DHX16: variants seen among roughly 807,000 people sequenced by gnomAD.
DHX16 encodes the protein pre-mRNA-splicing factor ATP-dependent RNA helicase DHX16.
DHX16 carries 81 observed loss-of-function variants against 131.2 expected under a neutral mutation model. The ratio of observed to expected loss-of-function variants is 0.62; its 90% CI spans 0.52 to 0.74. DHX16 has a LOEUF of 0.74. Ranked by LOEUF, DHX16 falls within the 30% of genes least tolerant of loss-of-function variation. DHX16 has a pLI of 0.00. For synonymous variants in DHX16, 440 were observed against 520.2 expected (o/e 0.85, Z 2.10); for missense variants, 980 against 1,363.1 (o/e 0.72, Z 4.43).
At position 30,655,505 on chromosome 6, in the gene DHX16, G is replaced by A. The variant is rs1328280313; in HGVS notation, c.2591C>T (p.Ala864Val). The change falls in exon 17 of 20, where the codon GCT (alanine) becomes GTT (valine). Residue 864 changes from alanine (A) to valine (V), a missense_variant. Coordinates refer to ENST00000376442, the MANE Select transcript of DHX16 (RefSeq NM_003587.5). ...FYRPKDKVVH[A>V]DNARVNFFLP... ...AAAGAAGTTGACACGGGCATTGTCA[G>A]CATGGACGACCTTGTCCTTTGGTCG... 1.9e-6 allele frequency: 3 copies of A among 1,613,234 alleles called. No homozygotes were observed. Among genetic ancestry groups the A allele is most frequent in the Non-Finnish European group, 2.5e-6 (3 of 1,180,044 alleles).
chr6:30,654,618 C>A, intron 19 of DHX16, 88 bp downstream of exon 19: 1 of 1,329,936 alleles, frequency 7.5e-7, no homozygotes, highest in South Asian at 1.5e-5. Flanking sequence ...GTACCAGTCC[C>A]AGCAACTTGA....
Position 30,654,684 on chromosome 6 carries a change from GGGCACAGGA to G in DHX16, c.2997+13_2997+21del. ...CTCTCTACATAGTCTCCACCTGCGT[GGGCACAGGA>G]TGTTCTCCTCACCTGTCTCATGAAC... is the stretch of plus-strand genomic sequence containing the variant. On this transcript the variant is annotated intron_variant, in intron 19 of 19. Transcript: ENST00000376442. The G allele has an allele frequency of 6.2e-7, 1 of 1,600,444 alleles. No homozygotes were observed. The highest frequency in any genetic ancestry group is 1.1e-5 in the South Asian group (1 of 89,148).
At chr6:30,671,300 G>C in intron 1 of DHX16, 26 bp from the exon 2 acceptor site, 5 of 1,602,270 alleles carry the variant, frequency 3.1e-6, no homozygotes, top group Non-Finnish European at 4.3e-6. Context: ...AAGATAAGGA[G>C]GTCTGAGCAA....
At position 30,659,598 on chromosome 6, in the gene DHX16, C is replaced by T; in HGVS notation, c.1881G>A (p.Met627Ile). ...CCAGGCGGCGGCAGCGATCCTGGAG[C>T]ATCTCACAGGCAGCCTCAATCTCCT... is the stretch of plus-strand genomic sequence containing the variant. ...GQEEIEAACE[M>I]LQDRCRRLGS... The change falls in exon 12 of 20, where the codon ATG (methionine) becomes ATA (isoleucine). Residue 627 changes from methionine (M) to isoleucine (I), a missense_variant. Coordinates refer to ENST00000376442, the MANE Select transcript of DHX16 (RefSeq NM_003587.5). 1.9e-6 allele frequency: 3 copies of T among 1,613,846 alleles called. No homozygotes were observed. The highest frequency in any genetic ancestry group is 2.5e-6 in the Non-Finnish European group (3 of 1,180,004).
chr6:30,660,954 G>C (rs1300240790), intron 9 of DHX16, among the ~76,000 whole-genome samples: 2 of 151,846 alleles, frequency 1.3e-5, no homozygotes, highest in Non-Finnish European at 2.9e-5. Flanking sequence ...CTGGAGTGTA[G>C]TGGCATGATC....
At chr6:30,659,938 C>A in intron 10 of DHX16, 94 bp downstream of exon 10, 2 of 1,551,872 alleles carry the variant, frequency 1.3e-6, no homozygotes, top group East Asian at 2.3e-5. Flanking sequence ...CCCCTTTGAA[C>A]CTTCCATTCC....
At chr6:30,663,720 C>CA (rs537931461) in intron 7 of DHX16, among the ~76,000 whole-genome samples, 1,327 of 50,460 alleles carry the variant, frequency 0.026, 19 homozygotes, top group African/African-American at 0.064. Flanking sequence ...GACTCTGTCT[C>CA]AAAAAAAAAA....
rs770055253 is a variant in DHX16, at chr6:30,659,530, T to C, written c.1949A>G (p.Asn650Ser). Residue 650 changes from asparagine (N) to serine (S), a missense_variant, in exon 12 of 20, where the codon AAT (asparagine) becomes AGT (serine). Coordinates refer to ENST00000376442, the MANE Select transcript of DHX16 (RefSeq NM_003587.5). The part of the protein sequence containing the change: ...RELLVLPIYA[N>S]LPSDMQARIF... ...ACGGGCCTGCATGTCAGAGGGCAGA[T>C]TGGCATAAATGGGCAGCACCAGGAG... is the stretch of plus-strand genomic sequence containing the variant. The C allele has an allele frequency of 4.1e-5, 66 of 1,610,330 alleles. No homozygotes were observed. Among genetic ancestry groups the C allele is most frequent in the Middle Eastern group, 1.6e-4 (1 of 6,076 alleles).
At chr6:30,653,501 G>T in intron 19 of DHX16, 131 bp from the exon 20 acceptor site, 1 of 1,004,106 alleles carries the variant, frequency 1.0e-6, no homozygotes, top group Non-Finnish European at 1.4e-6. Flanking sequence ...GGCGTATCAT[G>T]GCTCAAAGCA....
At chr6:30,661,834 T>C (rs1464212533) in intron 9 of DHX16, 1 of 717,994 alleles carries the variant, frequency 1.4e-6, no homozygotes, top group Admixed American at 2.0e-5. Context: ...CATCAGACAC[T>C]CTTGCGCTGG....
At position 30,672,922 on chromosome 6, in the gene DHX16, C is replaced by T. The variant is rs1202374351; in HGVS notation, c.-81G>A. The T allele has an allele frequency of 7.6e-6, 12 of 1,575,904 alleles. No individual in the cohort carries two copies. The highest frequency in any genetic ancestry group is 9.5e-6 in the Non-Finnish European group (11 of 1,161,002). ...CTGGGCCGGTCAGAGGCCTGGAGCC[C>T]TCGGCTGGAGCCTCAGCTTCGCAAG... is the stretch of plus-strand genomic sequence containing the variant. On this transcript the variant is annotated 5_prime_UTR_variant, in exon 1 of 20. Coordinates refer to ENST00000376442, the MANE Select transcript of DHX16 (RefSeq NM_003587.5).
chr6:30,654,682 G>T (rs17281677), intron 19 of DHX16, 24 bp downstream of exon 19: 1 of 1,599,028 alleles, frequency 6.3e-7, no homozygotes, highest in Non-Finnish European at 8.5e-7. Flanking sequence ...CTCCACCTGC[G>T]TGGGCACAGG....
chr6:30,657,962 G>C (rs1241425436), intron 12 of DHX16, among the ~76,000 whole-genome samples: 2 of 152,200 alleles, frequency 1.3e-5, no homozygotes, highest in East Asian at 3.8e-4. Flanking sequence ...TAGACCACAA[G>C]TGCAAGTTTG....
Position 30,662,822 on chromosome 6 carries a change from C to A in DHX16, c.1429-80G>T. The A allele has an allele frequency of 6.4e-7, 1 of 1,552,334 alleles. No individual in the cohort carries two copies. Among genetic ancestry groups the A allele is most frequent in the Non-Finnish European group, 8.9e-7 (1 of 1,127,052 alleles). ...CTTGGGGAAAGGTGAAGTGGGGCAG[C>A]ACCAAGACTTCTGCTGTAGGGACCT... On this transcript the variant is annotated intron_variant, in intron 8 of 19. Transcript: ENST00000376442. The surrounding 1 kb of genome is among the most constrained non-coding windows in gnomAD (Gnocchi z 4.7).
intron 7 of DHX16, among the ~76,000 whole-genome samples, chr6:30,664,289 G>A (rs533375779): frequency 1.3e-5 from 2 of 151,558 alleles, no homozygotes; most frequent in African/African-American, 4.9e-5. Context: ...TTCGAGAGCA[G>A]CCTGGCCAAC....
Position 30,672,698 on chromosome 6 carries a change from T to C in DHX16, c.144A>G (p.Arg48=), listed in dbSNP as rs1429817301. ...TSAEEFVQRL[R]DTDTLDLSGP... is the part of the protein sequence containing the mutation. ...CACTGAGATCCAAGGTATCAGTGTC[T>C]CGTAGGCGCTGCACGAACTCCTCGG... Residue 48 remains arginine (R), a synonymous_variant, in exon 1 of 20, where the codon CGA becomes CGG. Transcript: ENST00000376442. 2 of 1,612,650 alleles carry C rather than the reference T, an allele frequency of 1.2e-6. No homozygotes were observed. The highest frequency in any genetic ancestry group is 1.7e-6 in the Non-Finnish European group (2 of 1,179,920).
chr6:30,659,166 C>T (rs1487324149), intron 12 of DHX16, among the ~76,000 whole-genome samples: 7 of 152,226 alleles, frequency 4.6e-5, no homozygotes, highest in East Asian at 1.9e-4. Context: ...GGATTACAGG[C>T]GTGAGCCACC....
At chr6:30,661,833 C>G (rs1051715199) in intron 9 of DHX16, 2 of 717,928 alleles carry the variant, frequency 2.8e-6, no homozygotes, top group African/African-American at 3.5e-5. Flanking sequence ...GCATCAGACA[C>G]TCTTGCGCTG....
chr6:30,653,971 T>G (rs1329769879), intron 19 of DHX16, among the ~76,000 whole-genome samples: 5 of 151,424 alleles, frequency 3.3e-5, no homozygotes, highest in African/African-American at 1.2e-4. Context: ...AATATAAAAT[T>G]AGCTGGGCGT....
Sources: gnomAD v4.1 joint callset for allele counts (sites outside exome capture counted in the v4.1 genomes callset) on GRCh38, gnomAD v4.1.1 for gene constraint, Gnocchi (gnomAD v3.1) non-coding constraint, MANE v1.5 for transcripts, NCBI Gene and HGNC (gene_info 2026-07-23, HGNC 2026-07-21) for gene names.